C12orf42: variants seen among roughly 807,000 people sequenced by gnomAD.
The protein encoded by C12orf42 is uncharacterized protein C12orf42.
Under a neutral mutation model 21.6 loss-of-function variants are expected in C12orf42, and 25 were observed. The observed-to-expected ratio is 1.16, with a 90% CI of 0.84 to 1.62. The LOEUF is 1.62. Among genes scored for constraint, C12orf42 ranks in the 40% most tolerant of loss-of-function variants. The pLI is 0.00. For missense variants in C12orf42, 483 were observed against 459.3 expected, an observed-to-expected ratio of 1.05 and a Z score of -0.47; for synonymous variants, 174 against 175.0, an observed-to-expected ratio of 0.99 and a Z score of 0.05.
chr12:103,211,860 A>T, the C12orf42 span, among the ~76,000 whole-genome samples: 1 of 152,106 alleles, frequency 6.6e-6, no homozygotes, highest in Non-Finnish European at 1.5e-5. Context: ...TGTTGCAAAT[A>T]TTTTTCTCAG....
At chr12:103,130,530 T>G in the C12orf42 span, among the ~76,000 whole-genome samples, 1 of 152,020 alleles carries the variant, frequency 6.6e-6, no homozygotes, top group Non-Finnish European at 1.5e-5. Context: ...TGTCCCAGGT[T>G]GGTTCCTCCA....
chr12:103,473,871 G>T (rs914569950), intron 2 of C12orf42, among the ~76,000 whole-genome samples: 1 of 152,158 alleles, frequency 6.6e-6, no homozygotes. Context: ...TATCCTCTGA[G>T]TAGCACAGAG....
At chr12:103,302,610 G>C (rs1418417261) in intron 5 of C12orf42, 51 bp from the exon 6 acceptor site, 1 of 1,471,280 alleles carries the variant, frequency 6.8e-7, no homozygotes, top group East Asian at 2.3e-5. Flanking sequence ...AAGCGTGCGG[G>C]ACCACACCGC....
At chr12:103,413,004 T>C (rs2048979888) in intron 2 of C12orf42, among the ~76,000 whole-genome samples, 1 of 152,194 alleles carries the variant, frequency 6.6e-6, no homozygotes. Flanking sequence ...TGCAATTGCT[T>C]TTGGAAACTT....
chr12:103,482,081 G>A lies in C12orf42; in HGVS notation c.-21-3634C>T, dbSNP rs530298166. Among the ~76,000 whole-genome samples the A allele has an allele frequency of 1.3e-4, 19 of 151,962 alleles. No individual in the cohort carries two copies. The South Asian group carries it at 2.7e-3, about 22-fold the overall frequency. On this transcript the variant is annotated intron_variant, in intron 1 of 5. Transcript: ENST00000548883. ...TGTTCTTTTCCCCCACAAGTTAGAC[G>A]TCACTATTATTGTTCTAATTTTTTG...
At chr12:103,131,817 G>T in the C12orf42 span, among the ~76,000 whole-genome samples, 2 of 152,134 alleles carry the variant, frequency 1.3e-5, no homozygotes, top group South Asian at 4.2e-4. Context: ...TTGGGTAAGA[G>T]TGATGTTAGT....
intron 10 of C12orf42, among the ~76,000 whole-genome samples, chr12:103,256,650 G>A (rs2136212577): frequency 6.6e-6 from 1 of 152,244 alleles, no homozygotes; most frequent in Admixed American, 6.5e-5. Flanking sequence ...GATTAAAGGG[G>A]TTGGAGCAGC....
chr12:103,397,079 T>C (rs1297791906), intron 3 of C12orf42, among the ~76,000 whole-genome samples: 1 of 152,240 alleles, frequency 6.6e-6, no homozygotes, highest in Non-Finnish European at 1.5e-5. Context: ...AATTTTATCT[T>C]CTAAATGACA....
intron 2 of C12orf42, among the ~76,000 whole-genome samples, chr12:103,413,049 A>G (rs2048983299): frequency 1.3e-5 from 2 of 152,246 alleles, no homozygotes. Flanking sequence ...AATGTCAAGA[A>G]GAGTATTTCC....
the C12orf42 span, among the ~76,000 whole-genome samples, chr12:103,210,296 T>C: frequency 6.6e-6 from 1 of 152,232 alleles, no homozygotes; most frequent in African/African-American, 2.4e-5. Flanking sequence ...TCTGTTTGCC[T>C]AAACTTTATC....
chr12:103,373,728 A>G (rs549079347), intron 3 of C12orf42, among the ~76,000 whole-genome samples: 14 of 152,354 alleles, frequency 9.2e-5, no homozygotes, highest in African/African-American at 3.4e-4. Flanking sequence ...ATTATTTGGC[A>G]GAAAGTTTTC....
the C12orf42 span, among the ~76,000 whole-genome samples, chr12:103,134,990 T>C: frequency 6.6e-6 from 1 of 151,486 alleles, no homozygotes; most frequent in Admixed American, 6.6e-5. Context: ...ACAAAACAAA[T>C]AAAAAAAATA....
chr12:103,484,490 C>T (rs1161946454), intron 1 of C12orf42, among the ~76,000 whole-genome samples: 1 of 152,118 alleles, frequency 6.6e-6, no homozygotes, highest in African/African-American at 2.4e-5. Flanking sequence ...GTATCCTTTG[C>T]CCACTTTTCA....
At chr12:103,490,916 T>C (rs1955145266) in intron 1 of C12orf42, among the ~76,000 whole-genome samples, 1 of 152,068 alleles carries the variant, frequency 6.6e-6, no homozygotes, top group East Asian at 1.9e-4. Context: ...ATCTAGTGGG[T>C]AGTAGCATAC....
At chr12:103,461,164 A>G (rs995884423) in intron 2 of C12orf42, among the ~76,000 whole-genome samples, 2 of 152,220 alleles carry the variant, frequency 1.3e-5, no homozygotes, top group African/African-American at 4.8e-5. Flanking sequence ...TTTATTTTAT[A>G]TTCTTACACA....
chr12:103,530,501 C>T, the C12orf42 span, among the ~76,000 whole-genome samples: 1 of 152,160 alleles, frequency 6.6e-6, no homozygotes, highest in Non-Finnish European at 1.5e-5. Flanking sequence ...CCATGTGTTG[C>T]CCCAGCTTCT....
At chr12:103,133,114 C>T in the C12orf42 span, among the ~76,000 whole-genome samples, 2 of 152,154 alleles carry the variant, frequency 1.3e-5, no homozygotes, top group African/African-American at 4.8e-5. Context: ...CTGTTAGCAC[C>T]TGAGCATTCC....
chr12:103,258,063 G>A (rs891119112), intron 10 of C12orf42, among the ~76,000 whole-genome samples: 21 of 152,064 alleles, frequency 1.4e-4, no homozygotes, highest in Non-Finnish European at 2.9e-4. Flanking sequence ...TCAGTAAGCT[G>A]TTTAAAACAA....
intron 5 of C12orf42, among the ~76,000 whole-genome samples, chr12:103,304,996 G>A (rs1327130189): frequency 6.6e-6 from 1 of 152,134 alleles, no homozygotes; most frequent in Non-Finnish European, 1.5e-5. Context: ...CTATAAAGCA[G>A]GGGTGTCCAA....
Sources: gnomAD v4.1 joint callset for allele counts (sites outside exome capture counted in the v4.1 genomes callset) on GRCh38, gnomAD v4.1.1 for gene constraint, MANE v1.5 for transcripts, NCBI Gene and HGNC (gene_info 2026-07-23, HGNC 2026-07-21) for gene names.